WDR27: variants seen among roughly 807,000 people sequenced by gnomAD.
WDR27 encodes the protein WD repeat domain 27, also known as WD repeat-containing protein 27.
Under a neutral mutation model 114.4 loss-of-function variants are expected in WDR27, and 100 were observed. The ratio of observed to expected loss-of-function variants is 0.87; its 90% confidence interval spans 0.74 to 1.03. The LOEUF (loss-of-function observed/expected upper bound fraction) is 1.03. WDR27 is among the 50% of genes least tolerant of loss of function. The pLI is 0.00. For missense variants in WDR27, 1,129 were observed against 1,092.9 expected (o/e 1.03, Z -0.47); for synonymous variants, 449 against 423.1 (o/e 1.06, Z -0.75).
At position 169,460,701 on chromosome 6, in the gene WDR27, G is replaced by A. The variant is rs116934883; in HGVS notation, c.2646-3067C>T. ...ATAGTTGCCTCTCAATATACTTGGGGTATTAGTTCCAGGAACTCCCATATA... is the reference window on the plus strand; with the variant it reads ...ATAGTTGCCTCTCAATATACTTGGGATATTAGTTCCAGGAACTCCCATATA... On this transcript the variant is annotated intron_variant, in intron 25 of 25. Coordinates refer to ENST00000448612, the MANE Select transcript of WDR27 (RefSeq NM_182552.5). 5.6e-4 allele frequency among the ~76,000 whole-genome samples: 85 copies of A among 152,238 alleles called. 1 individual carries two copies. In the East Asian group the frequency reaches 0.015, roughly 27 times the overall value.
intron 23 of WDR27, among the ~76,000 whole-genome samples, chr6:169,588,108 C>A (rs551597680): frequency 6.6e-6 from 1 of 152,094 alleles, no homozygotes; most frequent in Non-Finnish European, 1.5e-5. Flanking sequence ...ACTGGAGAGA[C>A]GAACAGCTCA....
At chr6:169,656,747 A>C (rs1223517507) in intron 13 of WDR27, among the ~76,000 whole-genome samples, 1 of 152,236 alleles carries the variant, frequency 6.6e-6, no homozygotes, top group African/African-American at 2.4e-5. Context: ...GCCCAGGGGC[A>C]TTCTCTTCTC....
intron 23 of WDR27, 113 bp downstream of exon 23, chr6:169,602,106 C>A: frequency 1.5e-6 from 1 of 659,822 alleles, no homozygotes; most frequent in Non-Finnish European, 2.4e-6. Flanking sequence ...AAAATATTGA[C>A]CAACAGTCAA....
chr6:169,667,949 A>T (rs1562880229), intron 5 of WDR27, 33 bp downstream of exon 5: 1 of 1,584,388 alleles, frequency 6.3e-7, no homozygotes, highest in Non-Finnish European at 8.6e-7. Flanking sequence ...AGCACGTGCC[A>T]CGCGGGAACG....
chr6:169,547,504 T>C (rs1164272002), intron 25 of WDR27, among the ~76,000 whole-genome samples: 1 of 152,250 alleles, frequency 6.6e-6, no homozygotes, highest in East Asian at 1.9e-4. Flanking sequence ...ATCCCAGGTA[T>C]GCAAGGCTGA....
intron 13 of WDR27, among the ~76,000 whole-genome samples, chr6:169,654,534 C>A (rs1282009044): frequency 2.0e-5 from 3 of 152,250 alleles, no homozygotes; most frequent in Admixed American, 6.5e-5. Flanking sequence ...TGTATCGTCA[C>A]TGGTTGCCAG....
chr6:169,426,973 T>TGCG, the WDR27 span: 27 of 35,116 alleles, frequency 7.7e-4, no homozygotes, highest in African/African-American at 1.9e-3. Flanking sequence ...GTGGGGGCAG[T>TGCG]GGGGGGGGGG....
intron 21 of WDR27, among the ~76,000 whole-genome samples, chr6:169,618,331 G>C (rs1188557701): frequency 6.6e-6 from 1 of 152,018 alleles, no homozygotes; most frequent in East Asian, 1.9e-4. Context: ...TCAGAGGCAG[G>C]CAAAGAGTAG....
At chr6:169,553,070 G>GTGTGTGTA (rs1240625001) in intron 25 of WDR27, among the ~76,000 whole-genome samples, 6 of 147,682 alleles carry the variant, frequency 4.1e-5, no homozygotes, top group Non-Finnish European at 7.5e-5. Flanking sequence ...GTGTGTGTGT[G>GTGTGTGTA]TGTGTGTGTG....
chr6:169,477,537 CA>C (rs1210323481), intron 25 of WDR27, among the ~76,000 whole-genome samples: 1 of 152,156 alleles, frequency 6.6e-6, no homozygotes, highest in East Asian at 1.9e-4. Flanking sequence ...CTCCCAGGTT[CA>C]AACAATTCTT....
chr6:169,599,244 T>C (rs1214151309), intron 23 of WDR27, among the ~76,000 whole-genome samples: 1 of 150,122 alleles, frequency 6.7e-6, no homozygotes, highest in Non-Finnish European at 1.5e-5. Flanking sequence ...GACAATACCA[T>C]CATGATTTGG....
At chr6:169,478,021 ACACACTAAATG>A (rs1321447647) in intron 25 of WDR27, among the ~76,000 whole-genome samples, 1 of 152,228 alleles carries the variant, frequency 6.6e-6, no homozygotes, top group Non-Finnish European at 1.5e-5. Context: ...GAAGGAACAC[ACACACTAAATG>A]CACACTGTAC....
chr6:169,500,749 C>A (rs1434591831), intron 25 of WDR27, among the ~76,000 whole-genome samples: 2 of 152,188 alleles, frequency 1.3e-5, no homozygotes, highest in African/African-American at 4.8e-5. Context: ...ATGGTGGAGA[C>A]CGCAGTGACA....
intron 25 of WDR27, among the ~76,000 whole-genome samples, chr6:169,484,057 C>G (rs1008877307): frequency 2.0e-5 from 3 of 152,148 alleles, no homozygotes; most frequent in African/African-American, 7.2e-5. Context: ...GACAAACCCA[C>G]AGCCAATGTT....
the WDR27 span, among the ~76,000 whole-genome samples, chr6:169,443,338 C>A: frequency 6.6e-6 from 1 of 152,312 alleles, no homozygotes; most frequent in Admixed American, 6.5e-5. Context: ...ACTTTGATAG[C>A]CATGATTCAT....
At chr6:169,529,314 G>GC (rs71660650) in intron 25 of WDR27, among the ~76,000 whole-genome samples, 2,855 of 54,216 alleles carry the variant, frequency 0.053, 123 homozygotes, top group East Asian at 0.14. Context: ...GACCTCTGCG[G>GC]GGGGGGGGGG....
At chr6:169,650,995 G>C (rs1216579543) in intron 14 of WDR27, among the ~76,000 whole-genome samples, 1 of 152,094 alleles carries the variant, frequency 6.6e-6, no homozygotes, top group African/African-American at 2.4e-5. Flanking sequence ...GCAGAGCAGG[G>C]AAGGGCTTAG....
At chr6:169,666,464 G>C in intron 6 of WDR27, 1 of 985,444 alleles carries the variant, frequency 1.0e-6, no homozygotes, top group Non-Finnish European at 1.2e-6. Flanking sequence ...TCTTCTTCTG[G>C]GAAGACAGAA....
intron 25 of WDR27, among the ~76,000 whole-genome samples, chr6:169,513,196 A>G (rs1793134999): frequency 6.6e-6 from 1 of 152,108 alleles, no homozygotes; most frequent in Non-Finnish European, 1.5e-5. Flanking sequence ...GGGCACCTAG[A>G]CAGTCTCCAG....
Sources: gnomAD v4.1 joint callset for allele counts (sites outside exome capture counted in the v4.1 genomes callset) on GRCh38, gnomAD v4.1.1 for gene constraint, MANE v1.5 for transcripts, NCBI Gene and HGNC (gene_info 2026-07-23, HGNC 2026-07-21) for gene names.